MGA: variants seen among roughly 807,000 people sequenced by gnomAD.
MGA encodes MAX dimerization protein MGA, also known as MAX gene-associated protein.
In MGA, 40 loss-of-function variants were observed where a neutral mutation model predicts 261.1. The ratio of observed to expected loss-of-function variants is 0.15; its 90% CI spans 0.12 to 0.20. The LOEUF (loss-of-function observed/expected upper bound fraction) is 0.20. MGA is among the 10% of genes least tolerant of loss of function. The pLI is 1.00. For missense variants in MGA, 3,397 were observed against 3,630.5 expected, an observed-to-expected ratio of 0.94 and a Z score of 1.65; for synonymous variants, 1,302 against 1,290.6, an observed-to-expected ratio of 1.01 and a Z score of -0.19.
intron 2 of MGA, among the ~76,000 whole-genome samples, chr15:41,683,068 G>A (rs1481585285): frequency 2.6e-5 from 4 of 151,952 alleles, no homozygotes; most frequent in East Asian, 1.9e-4. Flanking sequence ...GTTGCCTCCC[G>A]GTTTCCTGTT....
chr15:41,655,535 ATAGT>A (rs374548462), upstream of MGA, among the ~76,000 whole-genome samples: 5 of 152,278 alleles, frequency 3.3e-5, no homozygotes, highest in African/African-American at 1.2e-4. Context: ...TGCTTTGTAA[ATAGT>A]TATACTTTTT....
chr15:41,742,389 TAAAAA>T lies in MGA; in HGVS notation c.4586-155_4586-151del, dbSNP rs529807787. Among the ~76,000 whole-genome samples the T allele has an allele frequency of 1.6e-3, 245 of 151,436 alleles. 1 individual carries two copies. Among genetic ancestry groups the T allele is most frequent in the African/African-American group, 5.7e-3 (235 of 41,306 alleles). ...GGGCAACAAGAAAGAAACTCCATCT[TAAAAA>T]AGAAAAAAAAGAAATTGGCACAAAT... is the stretch of plus-strand genomic sequence containing the variant. On this transcript the variant is annotated intron_variant, in intron 14 of 23. Transcript: ENST00000219905.
rs1038510384 is a variant in MGA at position 41,767,926 on chromosome 15, A to G, written c.*646A>G. On this transcript the variant is annotated 3_prime_UTR_variant, in exon 24 of 24. Transcript: ENST00000219905. ...TAAAGTAGGGATGCTTTTAACTTTT[A>G]TTATTAATTATTTTGAGATCTTAAA... 1 of 152,508 alleles carries G rather than the reference A, an allele frequency of 6.6e-6. No individual in the cohort carries two copies. The highest frequency in any genetic ancestry group is 1.5e-5 in the Non-Finnish European group (1 of 68,038). The allele number at this position is 152,508 out of a possible 1,614,324, so 9.4% of individuals were successfully genotyped here. A position where few individuals can be genotyped will look rare whatever the true frequency, so the allele number is the denominator to read the frequency against.
intron 15 of MGA, among the ~76,000 whole-genome samples, chr15:41,744,123 A>G (rs2151869939): frequency 6.6e-6 from 1 of 152,298 alleles, no homozygotes; most frequent in African/African-American, 2.4e-5. Context: ...TTATGGAAGA[A>G]CAGATTGGGA....
At chr15:41,701,100 C>T (rs769378877) in intron 5 of MGA, among the ~76,000 whole-genome samples, 7 of 152,144 alleles carry the variant, frequency 4.6e-5, no homozygotes, top group Non-Finnish European at 5.9e-5. Context: ...TTGCAGATAA[C>T]GTTTGCTGCT....
Position 41,766,526 on chromosome 15 carries a change from A to G in MGA, c.8444A>G (p.Asp2815Gly). The G allele has an allele frequency of 1.2e-6, 2 of 1,613,992 alleles. No homozygotes were observed. The highest frequency in any genetic ancestry group is 2.2e-5 in the East Asian group (1 of 44,884). Residue 2815 changes from aspartate (D) to glycine (G), a missense_variant, in exon 24 of 24, where the codon GAT becomes GGT. Physicochemically the swap from Asp to Gly is moderately conservative, Grantham distance 94. Coordinates refer to ENST00000219905, the MANE Select transcript of MGA (RefSeq NM_001164273.2). ...AGTGAACTGCTGACTAACATGGAAG[A>G]TGAGGATGATACTGATGAGACACTG... is the stretch of plus-strand genomic sequence containing the variant.
intron 10 of MGA, 101 bp from the exon 11 acceptor site, chr15:41,729,063 C>A (rs1054054278): frequency 2.5e-6 from 3 of 1,213,046 alleles, no homozygotes; most frequent in East Asian, 2.5e-5. Context: ...TAAAAAATTT[C>A]GACTGTTGTA....
chr15:41,662,569 A>G (rs1001591041), intron 1 of MGA, among the ~76,000 whole-genome samples: 1 of 152,232 alleles, frequency 6.6e-6, no homozygotes, highest in Non-Finnish European at 1.5e-5. Flanking sequence ...CATTTATTAA[A>G]TTAGTAAAAA....
In MGA at chr15:41,765,197, G is replaced by A. The variant is rs182879193; in HGVS notation, c.7921+135G>A. ...TTGGCATTTGCCTTGGTAAGAGGTGGCCCTATTTTTAGAACACATTTGGCT... is the reference window on the plus strand; with the variant it reads ...TTGGCATTTGCCTTGGTAAGAGGTGACCCTATTTTTAGAACACATTTGGCT... On this transcript the variant is annotated intron_variant, in intron 23 of 23. Transcript: ENST00000219905. The A allele has an allele frequency of 1.1e-4, 120 of 1,053,258 alleles. No individual in the cohort carries two copies. The African/African-American group carries it at 1.6e-3, about 14-fold the overall frequency. The allele number at this position is 1,053,258 out of a possible 1,614,324, so 65.2% of individuals were successfully genotyped here.
intron 9 of MGA, among the ~76,000 whole-genome samples, chr15:41,714,597 G>C (rs2060535965): frequency 6.6e-6 from 1 of 152,132 alleles, no homozygotes; most frequent in Non-Finnish European, 1.5e-5. Context: ...TCCACCTCCT[G>C]GGTTCAAATG....
chr15:41,661,935 C>G (rs2057429790), intron 1 of MGA, among the ~76,000 whole-genome samples: 1 of 152,112 alleles, frequency 6.6e-6, no homozygotes, highest in South Asian at 2.1e-4. Flanking sequence ...TCTGTCGGGA[C>G]TCTTCCCCGG....
intron 5 of MGA, among the ~76,000 whole-genome samples, chr15:41,706,607 G>A (rs2060130875): frequency 1.5e-5 from 2 of 134,484 alleles, no homozygotes; most frequent in South Asian, 4.6e-4. Context: ...TTGAGATAGA[G>A]TCTTACTCTG....
chr15:41,685,010 T>C (rs1055118893), intron 2 of MGA, among the ~76,000 whole-genome samples: 19 of 152,218 alleles, frequency 1.2e-4, no homozygotes, highest in South Asian at 4.1e-4. Context: ...ATGTAACTTA[T>C]ACAGTAAAGT....
upstream of MGA, among the ~76,000 whole-genome samples, chr15:41,657,036 T>C (rs1441125847): frequency 6.6e-6 from 1 of 152,192 alleles, no homozygotes. Context: ...TGCCTCTGCC[T>C]CCCAAAGTGC....
At chr15:41,680,531 T>C (rs944404324) in intron 2 of MGA, among the ~76,000 whole-genome samples, 2 of 152,192 alleles carry the variant, frequency 1.3e-5, no homozygotes, top group Non-Finnish European at 1.5e-5. Context: ...TTTTCACCAG[T>C]TGGCTACAAA....
At chr15:41,747,181 T>G (rs979982307) in intron 15 of MGA, among the ~76,000 whole-genome samples, 1 of 152,180 alleles carries the variant, frequency 6.6e-6, no homozygotes, top group African/African-American at 2.4e-5. Context: ...TTTCCCTGCT[T>G]CTTTGATGTC....
intron 9 of MGA, among the ~76,000 whole-genome samples, chr15:41,723,217 T>G (rs1276138006): frequency 6.6e-6 from 1 of 152,042 alleles, no homozygotes; most frequent in Non-Finnish European, 1.5e-5. Flanking sequence ...GAATCTCTAG[T>G]GTCATTATAA....
intron 2 of MGA, among the ~76,000 whole-genome samples, chr15:41,695,275 G>A (rs1390245056): frequency 2.0e-5 from 3 of 150,752 alleles, no homozygotes; most frequent in South Asian, 4.2e-4. Context: ...TGCAACCTCC[G>A]CCTCCCGGGT....
At chr15:41,704,465 C>T (rs1216774218) in intron 5 of MGA, among the ~76,000 whole-genome samples, 2 of 152,180 alleles carry the variant, frequency 1.3e-5, no homozygotes, top group Non-Finnish European at 2.9e-5. Context: ...CGAGACCATC[C>T]TGGTAACACG....
Sources: gnomAD v4.1 joint callset for allele counts (sites outside exome capture counted in the v4.1 genomes callset) on GRCh38, gnomAD v4.1.1 for gene constraint, MANE v1.5 for transcripts, NCBI Gene and HGNC (gene_info 2026-07-23, HGNC 2026-07-21) for gene names.